NRCAM: variants seen among roughly 807,000 people sequenced by gnomAD.
NRCAM encodes the protein NgCAM-related cell adhesion molecule.
In NRCAM, 83 loss-of-function variants were observed where a neutral mutation model predicts 156.5. The ratio of observed to expected loss-of-function variants is 0.53; its 90% confidence interval spans 0.44 to 0.64. The LOEUF (loss-of-function observed/expected upper bound fraction) is 0.64, where lower values mean the gene tolerates loss of function less well. Ranked by LOEUF, NRCAM falls within the 30% of genes least tolerant of loss-of-function variation. The pLI is 0.00. For missense variants in NRCAM, 1,417 were observed against 1,597.3 expected, an observed-to-expected ratio of 0.89 and a Z score of 1.92; for synonymous variants, 538 against 563.9, an observed-to-expected ratio of 0.95 and a Z score of 0.65.
intron 2 of NRCAM, among the ~76,000 whole-genome samples, chr7:108,336,895 T>G (rs141131989): frequency 1.7e-3 from 258 of 152,292 alleles, no homozygotes; most frequent in African/African-American, 5.7e-3. Flanking sequence ...TAGAAAATTC[T>G]TAAGAGTTCT....
intron 1 of NRCAM, among the ~76,000 whole-genome samples, chr7:108,417,962 A>G (rs1397153929): frequency 6.6e-6 from 1 of 152,220 alleles, no homozygotes; most frequent in African/African-American, 2.4e-5. Flanking sequence ...TTAGCCATTT[A>G]GCACTGAAAG....
chr7:108,410,423 G>A (rs1328581358), intron 1 of NRCAM, among the ~76,000 whole-genome samples: 2 of 152,184 alleles, frequency 1.3e-5, no homozygotes, highest in Non-Finnish European at 2.9e-5. Flanking sequence ...ATGTGAGAGT[G>A]CTCCTTAAAT....
chr7:108,343,554 C>G lies in NRCAM; in HGVS notation c.-173-30823G>C, dbSNP rs145537499. 1.4e-4 allele frequency among the ~76,000 whole-genome samples: 22 copies of G among 152,308 alleles called. No homozygotes were observed. In the East Asian group the frequency reaches 3.9e-3, roughly 27 times the overall value. On this transcript the variant is annotated intron_variant, in intron 2 of 32. Coordinates refer to ENST00000379028, the MANE Select transcript of NRCAM (RefSeq NM_001037132.4). The stretch of plus-strand genomic sequence containing the variant: ...GACCCCTAGTATGTGGTAATCCCCT[C>G]TGGGAAACCAAGCCCCAGTACTCAA...
At chr7:108,192,186 G>T (rs1356901482) in intron 17 of NRCAM, among the ~76,000 whole-genome samples, 1 of 152,126 alleles carries the variant, frequency 6.6e-6, no homozygotes, top group Non-Finnish European at 1.5e-5. Flanking sequence ...TAGAGGGTGT[G>T]GTAGGAGTTT....
intron 1 of NRCAM, among the ~76,000 whole-genome samples, chr7:108,413,358 C>T (rs536077978): frequency 1.3e-5 from 2 of 152,232 alleles, no homozygotes; most frequent in African/African-American, 2.4e-5. Context: ...AGGTGCTTTG[C>T]CCATTTTTTT....
chr7:108,279,741 A>G (rs999312086), intron 3 of NRCAM, among the ~76,000 whole-genome samples: 3 of 149,664 alleles, frequency 2.0e-5, no homozygotes, highest in South Asian at 4.2e-4. Context: ...TTTTTTTCCA[A>G]TTTTTGACAG....
intron 3 of NRCAM, among the ~76,000 whole-genome samples, chr7:108,283,233 T>C (rs2097923691): frequency 6.6e-6 from 1 of 152,218 alleles, no homozygotes; most frequent in Non-Finnish European, 1.5e-5. Context: ...TGAAAGACTA[T>C]TACATAACTG....
intron 2 of NRCAM, among the ~76,000 whole-genome samples, chr7:108,379,146 C>T (rs988834139): frequency 2.0e-5 from 3 of 152,010 alleles, no homozygotes; most frequent in African/African-American, 7.2e-5. Flanking sequence ...ACACTAGCCA[C>T]CACAAAGGAA....
chr7:108,374,595 G>A (rs1037887281), intron 2 of NRCAM, among the ~76,000 whole-genome samples: 1 of 152,128 alleles, frequency 6.6e-6, no homozygotes, highest in African/African-American at 2.4e-5. Context: ...TATGTAGAAA[G>A]ATGATGAATT....
intron 8 of NRCAM, 92 bp from the exon 9 acceptor site, chr7:108,226,470 T>C (rs369989946): frequency 2.5e-6 from 2 of 785,992 alleles, no homozygotes; most frequent in South Asian, 2.0e-5. Context: ...AATAGGTCTG[T>C]GAACTTCATT....
intron 3 of NRCAM, among the ~76,000 whole-genome samples, chr7:108,311,403 G>A (rs2098801489): frequency 6.6e-6 from 1 of 152,052 alleles, no homozygotes; most frequent in Non-Finnish European, 1.5e-5. Context: ...GAGGAGAGGG[G>A]TACATAAAAA....
intron 2 of NRCAM, among the ~76,000 whole-genome samples, chr7:108,359,400 GAGA>G (rs538743233): frequency 8.3e-4 from 127 of 152,358 alleles, no homozygotes; most frequent in African/African-American, 2.9e-3. Context: ...AGGTGTTTGA[GAGA>G]AGGAGGGTGA....
intron 6 of NRCAM, among the ~76,000 whole-genome samples, chr7:108,232,915 T>C (rs1285530031): frequency 2.0e-5 from 3 of 152,134 alleles, no homozygotes; most frequent in Admixed American, 6.6e-5. Context: ...TGCTTGGGGC[T>C]AAAATGTGAC....
intron 11 of NRCAM, among the ~76,000 whole-genome samples, chr7:108,223,025 GT>G (rs1236928643): frequency 1.3e-5 from 2 of 152,156 alleles, no homozygotes; most frequent in Non-Finnish European, 2.9e-5. Context: ...GCTTGGCCTT[GT>G]GACCTGCCAA....
intron 2 of NRCAM, among the ~76,000 whole-genome samples, chr7:108,325,869 A>G (rs1301021131): frequency 1.3e-5 from 2 of 152,036 alleles, no homozygotes; most frequent in Non-Finnish European, 2.9e-5. Context: ...TGAAAAATCA[A>G]TTTTGGCCAC....
At chr7:108,303,838 A>G (rs1435378239) in intron 3 of NRCAM, among the ~76,000 whole-genome samples, 2 of 152,094 alleles carry the variant, frequency 1.3e-5, no homozygotes, top group East Asian at 3.9e-4. Flanking sequence ...ATTTACCTTT[A>G]TATCACTATT....
chr7:108,415,088 A>AT (rs1799898449), intron 1 of NRCAM, among the ~76,000 whole-genome samples: 2 of 152,240 alleles, frequency 1.3e-5, no homozygotes, highest in Non-Finnish European at 2.9e-5. Context: ...GCAGTATAAT[A>AT]TTCCCAGCTT....
At chr7:108,213,880 T>A (rs1588523924) in intron 11 of NRCAM, among the ~76,000 whole-genome samples, 1 of 152,188 alleles carries the variant, frequency 6.6e-6, no homozygotes, top group African/African-American at 2.4e-5. Context: ...CTGGTTCTCT[T>A]TATGTGATAG....
intron 3 of NRCAM, among the ~76,000 whole-genome samples, chr7:108,280,895 G>A (rs192240384): frequency 6.6e-6 from 1 of 152,250 alleles, no homozygotes; most frequent in East Asian, 1.9e-4. Context: ...GGAGGCAATG[G>A]TCTTTTATGC....
Sources: allele counts gnomAD v4.1 joint callset (sites outside exome capture counted in the v4.1 genomes callset), GRCh38; gene constraint gnomAD v4.1.1; transcripts MANE v1.5; gene names NCBI Gene and HGNC (gene_info 2026-07-23, HGNC 2026-07-21).